The following ZNF618 variants were observed in gnomAD, a reference collection of about 807,000 sequenced individuals.
The protein encoded by ZNF618 is neural precursor cell expressed, developmentally down-regulated 10.
A neutral mutation model predicts 103.0 loss-of-function variants in ZNF618; 34 were observed. The observed-to-expected ratio is 0.33, with a 90% CI of 0.25 to 0.44. The LOEUF is 0.44. ZNF618 is among the 20% of genes least tolerant of loss of function. The pLI, the probability that ZNF618 is intolerant of heterozygous loss-of-function variation, is 1.00. For missense variants in ZNF618, 1,059 were observed against 1,295.4 expected, an observed-to-expected ratio of 0.82 and a Z score of 2.80; for synonymous variants, 551 against 542.2, an observed-to-expected ratio of 1.02 and a Z score of -0.23.
chr9:113,961,296 C>T (rs1198087793), intron 1 of ZNF618, among the ~76,000 whole-genome samples: 1 of 152,218 alleles, frequency 6.6e-6, no homozygotes, highest in African/African-American at 2.4e-5. Flanking sequence ...CAATGCCTGT[C>T]CCCTTCACTG....
chr9:113,941,933 G>T (rs1834590032), intron 1 of ZNF618, among the ~76,000 whole-genome samples: 1 of 152,184 alleles, frequency 6.6e-6, no homozygotes, highest in Admixed American at 6.5e-5. Flanking sequence ...GCCAGGTGCA[G>T]CTGGACAGCT....
chr9:114,033,782 T>C lies in ZNF618; in HGVS notation c.1168+1054T>C, dbSNP rs538495989. Among the ~76,000 whole-genome samples, 4 of 152,314 alleles carry C rather than the reference T, an allele frequency of 2.6e-5. No individual in the cohort carries two copies. The South Asian group carries it at 8.3e-4, about 32-fold the overall frequency. On this transcript the variant is annotated intron_variant, in intron 12 of 14. Transcript: ENST00000374126. Reference sequence around the variant, plus strand: ...TAGGGGAAGGCACCCACTCACTTTCTTGCATGGTTGAAATTTAATTCACTA... The same window carrying C: ...TAGGGGAAGGCACCCACTCACTTTCCTGCATGGTTGAAATTTAATTCACTA...
At chr9:114,003,851 T>C (rs117680282) in intron 6 of ZNF618, among the ~76,000 whole-genome samples, 1 of 152,280 alleles carries the variant, frequency 6.6e-6, no homozygotes, top group Non-Finnish European at 1.5e-5. Context: ...AGATGGTAAG[T>C]ATTTTAGACT....
At position 114,054,708 on chromosome 9, in the gene ZNF618, C is replaced by G. The variant is rs1368752544; in HGVS notation, c.*4541C>G. 1.3e-5 allele frequency: 2 copies of G among 152,694 alleles called. No individual in the cohort carries two copies. The highest frequency in any genetic ancestry group is 4.8e-5 in the African/African-American group (2 of 41,450). The allele number at this position is 152,694 out of a possible 1,614,324, so 9.5% of individuals were successfully genotyped here. On this transcript the variant is annotated 3_prime_UTR_variant, in exon 15 of 15. Coordinates refer to ENST00000374126, the MANE Select transcript of ZNF618 (RefSeq NM_001318042.2). Reference sequence around the variant, plus strand: ...GTGAACCAATGATACAGTGTTTTCCCTCTTAACGTTCCCCTCCTGGTTTTG... The same window carrying G: ...GTGAACCAATGATACAGTGTTTTCCGTCTTAACGTTCCCCTCCTGGTTTTG...
chr9:113,947,040 C>G (rs1448516590), intron 1 of ZNF618, among the ~76,000 whole-genome samples: 1 of 152,162 alleles, frequency 6.6e-6, no homozygotes, highest in Non-Finnish European at 1.5e-5. Flanking sequence ...TCCCCTGTCC[C>G]CTTCTGAGTG....
At chr9:113,977,000 T>C (rs1838532881) in intron 2 of ZNF618, among the ~76,000 whole-genome samples, 1 of 152,120 alleles carries the variant, frequency 6.6e-6, no homozygotes, top group Non-Finnish European at 1.5e-5. Flanking sequence ...GATCATGTAG[T>C]TAAAAGAGTC....
chr9:114,050,160 T>C lies in ZNF618; in HGVS notation c.2858T>C (p.Met953Thr). Residue 953 changes from methionine to threonine, a missense_variant, in exon 15 of 15, where the codon ATG becomes ACG. Coordinates refer to ENST00000374126, the MANE Select transcript of ZNF618 (RefSeq NM_001318042.2). ...AAACTCATGTTTCTGAAATCCAACATGCTTTAAGACTTGACTTCGGGGGAA... is the reference window on the plus strand; with the variant it reads ...AAACTCATGTTTCTGAAATCCAACACGCTTTAAGACTTGACTTCGGGGGAA... Reference protein sequence around the residue: ...MNKLMFLKSNML With the variant: ...MNKLMFLKSNTL 1 of 1,552,552 alleles carries C rather than the reference T, an allele frequency of 6.4e-7. No individual in the cohort carries two copies. Among genetic ancestry groups the C allele is most frequent in the Non-Finnish European group, 8.7e-7 (1 of 1,152,876 alleles).
At chr9:113,936,649 T>G (rs73554476) in intron 1 of ZNF618, among the ~76,000 whole-genome samples, 134 of 152,316 alleles carry the variant, frequency 8.8e-4, no homozygotes, top group African/African-American at 3.0e-3. Flanking sequence ...CACTGGGTTA[T>G]AAGAATCAGC....
At chr9:113,903,659 T>G (rs1002085409) in intron 1 of ZNF618, among the ~76,000 whole-genome samples, 11 of 152,188 alleles carry the variant, frequency 7.2e-5, no homozygotes, top group African/African-American at 2.7e-4. Context: ...TTTATTTTGC[T>G]TTTGTTTTTG....
In ZNF618 at chr9:113,889,350, T is replaced by TCTCTCTCTCTCTCTCTCCCTCCCTCC. The variant is rs1191014933; in HGVS notation, c.33+12940_33+12941insTCTCTCTCTCTCTCCCTCCCTCCCTC. ...CTCTCTCTCTCTCTCTCTCTCTTTC[T>TCTCTCTCTCTCTCTCTCCCTCCCTCC]CTCCCTCCCTCTCCATGTGTGGTCT... On this transcript the variant is annotated intron_variant, in intron 1 of 14. Transcript: ENST00000374126. Among the ~76,000 whole-genome samples the TCTCTCTCTCTCTCTCTCCCTCCCTCC allele has an allele frequency of 4.0e-5, 6 of 148,356 alleles. 1 individual carries two copies. The East Asian group carries it at 9.6e-4, about 24-fold the overall frequency.
intron 1 of ZNF618, among the ~76,000 whole-genome samples, chr9:113,967,850 C>T (rs1251892470): frequency 6.6e-6 from 1 of 152,182 alleles, no homozygotes; most frequent in African/African-American, 2.4e-5. Flanking sequence ...TATGTCAGCT[C>T]TAGCTGCCTG....
intron 1 of ZNF618, among the ~76,000 whole-genome samples, chr9:113,943,843 G>A (rs1257396040): frequency 6.6e-6 from 1 of 152,002 alleles, no homozygotes; most frequent in Admixed American, 6.5e-5. Flanking sequence ...GATAGTGGAG[G>A]GCTTGGACTT....
intron 6 of ZNF618, among the ~76,000 whole-genome samples, chr9:114,004,490 T>C (rs1160811116): frequency 6.6e-6 from 1 of 152,240 alleles, no homozygotes; most frequent in Non-Finnish European, 1.5e-5. Context: ...CCCTGGCCTC[T>C]CCAGCAGCCC....
In ZNF618 at chr9:114,032,702, C is replaced by G. The variant is rs747145715; in HGVS notation, c.1142C>G (p.Thr381Arg). ...AAAGCACAAAACCACTTTGAAGAGA[C>G]GAACAGCAGTTCGCAGAACTCCAGC... Reference protein sequence around the residue: ...EGKAQNHFEETNSSSQNSSEP... With the variant: ...EGKAQNHFEERNSSSQNSSEP... The change falls in exon 12 of 15, where the codon ACG becomes AGG. Residue 381 changes from threonine to arginine, a missense_variant. Around this residue, in one of 6 missense-constraint regions of ZNF618, gnomAD observed 434 missense variants for 476.0 expected, o/e 0.91. Transcript: ENST00000374126. 1 of 1,613,940 alleles carries G rather than the reference C, an allele frequency of 6.2e-7. No individual in the cohort carries two copies. Among genetic ancestry groups the G allele is most frequent in the Non-Finnish European group, 8.5e-7 (1 of 1,179,906 alleles).
chr9:114,016,585 A>G, intron 9 of ZNF618, 110 bp from the exon 10 acceptor site: 1 of 749,940 alleles, frequency 1.3e-6, no homozygotes, highest in Non-Finnish European at 2.3e-6. Flanking sequence ...AATTGATTCT[A>G]GTTGATGGTC....
Position 114,055,925 on chromosome 9 carries a change from G to A in ZNF618, c.*5758G>A, listed in dbSNP as rs906055648. Reference sequence around the variant, plus strand: ...CGGTGCTTGGCTCAAGTCTTCACGAGGGGTTTAGGCAGGGCCATCTTGGGG... The same window carrying A: ...CGGTGCTTGGCTCAAGTCTTCACGAAGGGTTTAGGCAGGGCCATCTTGGGG... On this transcript the variant is annotated 3_prime_UTR_variant, in exon 15 of 15. Coordinates refer to ENST00000374126, the MANE Select transcript of ZNF618 (RefSeq NM_001318042.2). 1 of 152,142 alleles carries A rather than the reference G, an allele frequency of 6.6e-6. No homozygotes were observed. The highest frequency in any genetic ancestry group is 1.5e-5 in the Non-Finnish European group (1 of 67,958). The allele number at this position is 152,142 out of a possible 1,614,324, so 9.4% of individuals were successfully genotyped here.
chr9:114,022,979 A>G (rs1345763967), intron 10 of ZNF618, among the ~76,000 whole-genome samples: 2 of 152,082 alleles, frequency 1.3e-5, no homozygotes, highest in Non-Finnish European at 2.9e-5. Context: ...TAGTATTTGC[A>G]TAGTATATCT....
At chr9:113,987,191 T>C (rs57151578) in intron 2 of ZNF618, among the ~76,000 whole-genome samples, 1,595 of 152,270 alleles carry the variant, frequency 0.01, 33 homozygotes, top group African/African-American at 0.034. Flanking sequence ...ACAACAGTCA[T>C]GGGGATGCTT....
chr9:113,879,289 C>T (rs1828262243), intron 1 of ZNF618, among the ~76,000 whole-genome samples: 1 of 151,372 alleles, frequency 6.6e-6, no homozygotes, highest in Admixed American at 6.6e-5. Context: ...TCTCCTGACA[C>T]ACAATTCAGC....
Sources: gnomAD v4.1 joint callset for allele counts (sites outside exome capture counted in the v4.1 genomes callset) on GRCh38, gnomAD v4.1.1 for gene constraint, gnomAD v4.1.1 regional missense constraint, MANE v1.5 for transcripts, NCBI Gene and HGNC (gene_info 2026-07-23, HGNC 2026-07-21) for gene names.